SGSH: variants seen among roughly 807,000 people sequenced by gnomAD.
SGSH encodes heparan sulfate sulfatase.
Under a neutral mutation model 51.0 loss-of-function variants are expected in SGSH, and 48 were observed. The ratio of observed to expected loss-of-function variants is 0.94; its 90% CI spans 0.75 to 1.20. The LOEUF (loss-of-function observed/expected upper bound fraction) is 1.20, where lower values mean the gene tolerates loss of function less well. Among genes scored for constraint, SGSH ranks in the 50% most tolerant of loss-of-function variants. SGSH has a pLI of 0.00. For missense variants in SGSH, 662 were observed against 717.8 expected (o/e 0.92, Z 0.89); for synonymous variants, 321 against 313.4 (o/e 1.02, Z -0.26).
Position 80,217,288 on chromosome 17 carries a change from G to A in SGSH, c.89-96C>T, listed in dbSNP as rs56813748. 1.9e-4 allele frequency: 271 copies of A among 1,422,128 alleles called. 1 individual carries two copies. In the East Asian group the frequency reaches 5.8e-3, roughly 30 times the overall value. 88.1% of individuals were successfully genotyped at this position (1,422,128 alleles called of 1,614,324 possible). ...GGCTGGGACTGTGATGCCAGAAGGC[G>A]AGACACCCAGGTGGGCATGGTACTG... On this transcript the variant is annotated intron_variant, in intron 1 of 7. Coordinates refer to ENST00000326317, the MANE Select transcript of SGSH (RefSeq NM_000199.5).
chr17:80,212,278 T>C lies in SGSH; in HGVS notation c.746-4A>G, dbSNP rs7218267. The C allele has an allele frequency of 7.8e-3, 12,421 of 1,602,186 alleles. 865 individuals are homozygous for C. The African/African-American group carries it at 0.15, about 19-fold the overall frequency. ...TCCTGGAGCACCAGTCCAACTCCTG[T>C]GGTGAGGGGCCGAGAAGCAGAGCTC... On this transcript the variant is annotated splice_region_variant and splice_polypyrimidine_tract_variant and intron_variant, in intron 6 of 7. Transcript: ENST00000326317. This position sits in a 1 kb window ranked among gnomAD's most constrained non-coding sequence, Gnocchi z 5.9.
chr17:80,211,303 G>C, intron 7 of SGSH: 1 of 667,378 alleles, frequency 1.5e-6, no homozygotes, highest in Non-Finnish European at 2.3e-6. Flanking sequence ...CCCCTGTGGT[G>C]GGTGTGGCCA....
In SGSH at chr17:80,212,254, C is replaced by G; in HGVS notation, c.766G>C (p.Glu256Gln). The change falls in exon 7 of 8, where the codon GAG (glutamate) becomes CAG (glutamine). Residue 256 changes from glutamate (E) to glutamine (Q), a missense_variant. Coordinates refer to ENST00000326317, the MANE Select transcript of SGSH (RefSeq NM_000199.5). The surrounding 1 kb of genome is among the most constrained non-coding windows in gnomAD (Gnocchi z 5.9). Reference sequence around the variant, plus strand: ...TTCAGGACACCGGCGTCACGCAGCTCCTGGAGCACCAGTCCAACTCCTGTG... The same window carrying G: ...TTCAGGACACCGGCGTCACGCAGCTGCTGGAGCACCAGTCCAACTCCTGTG... The part of the protein sequence containing the change: ...MDQGVGLVLQ[E>Q]LRDAGVLNDT... 6.2e-7 allele frequency: 1 copy of G among 1,610,708 alleles called. No individual in the cohort carries two copies. The highest frequency in any genetic ancestry group is 8.5e-7 in the Non-Finnish European group (1 of 1,178,830).
chr17:80,209,944 A>G lies in SGSH; in HGVS notation c.*508T>C. On this transcript the variant is annotated 3_prime_UTR_variant, in exon 8 of 8. Transcript: ENST00000326317. ...TCTAGGCCAGACGCTGGTAAGAGCC[A>G]GGCGCCGTGCTCCCAGGTGAGTGTC... 1.0e-6 allele frequency: 1 copy of G among 1,000,726 alleles called. No individual in the cohort carries two copies. 62.0% of individuals were successfully genotyped at this position (1,000,726 alleles called of 1,614,324 possible).
At chr17:80,204,384 G>A (rs769052891), downstream of SGSH, 48 of 1,501,260 alleles carry the variant, frequency 3.2e-5, no homozygotes, top group South Asian at 5.6e-4. Flanking sequence ...GGCTCCAAGT[G>A]GGTGAGGGGC....
intron 1 of SGSH, among the ~76,000 whole-genome samples, chr17:80,217,991 G>C (rs890762591): frequency 6.6e-6 from 1 of 152,204 alleles, no homozygotes; most frequent in African/African-American, 2.4e-5. Context: ...AGGCATGTTA[G>C]CAGGCAGGCA....
At chr17:80,214,071 C>T in intron 5 of SGSH, 101 bp downstream of exon 5, 1 of 1,473,406 alleles carries the variant, frequency 6.8e-7, no homozygotes, top group Non-Finnish European at 9.3e-7. Context: ...GTCAGAGCCT[C>T]TTTCTTCATC....
In SGSH at chr17:80,217,007, C is replaced by A. The variant is rs200104349; in HGVS notation, c.249+25G>T. ...CAGCCTGTCTACTCCCTGCCCACCC[C>A]CTCCTCCCGCCCCTTGCACCTCACC... On this transcript the variant is annotated intron_variant, in intron 2 of 7. Coordinates refer to ENST00000326317, the MANE Select transcript of SGSH (RefSeq NM_000199.5). The A allele has an allele frequency of 6.3e-4, 968 of 1,531,536 alleles. 5 individuals are homozygous for A. In the African/African-American group the frequency reaches 0.012, roughly 19 times the overall value. 94.9% of individuals were successfully genotyped at this position (1,531,536 alleles called of 1,614,324 possible). A position where few individuals can be genotyped will look rare whatever the true frequency, so the allele number is the denominator to read the frequency against.
At chr17:80,211,701 C>A in intron 7 of SGSH, 1 of 361,564 alleles carries the variant, frequency 2.8e-6, no homozygotes, top group Non-Finnish European at 5.3e-6. Context: ...GTCAGACATG[C>A]AAATTCTTGA....
chr17:80,214,842 C>T, intron 3 of SGSH, 77 bp from the exon 4 acceptor site: 1 of 1,545,056 alleles, frequency 6.5e-7, no homozygotes, highest in African/African-American at 1.4e-5. Flanking sequence ...CCCCTCTCGG[C>T]CCTAAGCGCA....
chr17:80,203,550 G>C, downstream of SGSH: 1 of 427,056 alleles, frequency 2.3e-6, no homozygotes, highest in East Asian at 3.9e-5. The surrounding 1 kb of genome is among the most constrained non-coding windows in gnomAD (Gnocchi z 4.6). Context: ...TACGCTGGCT[G>C]CTCAACAGCA....
At position 80,220,226 on chromosome 17, in the gene SGSH, C is replaced by G. The variant is rs758793075; in HGVS notation, c.88G>C (p.Ala30Pro). 7.9e-6 allele frequency: 12 copies of G among 1,518,266 alleles called. No homozygotes were observed. In the South Asian group the frequency reaches 1.3e-4, roughly 17 times the overall value. 94.0% of individuals were successfully genotyped at this position (1,518,266 alleles called of 1,614,324 possible). The change falls in exon 1 of 8, where the codon GCG becomes CCG. Residue 30 changes from alanine to proline, a missense_variant and splice_region_variant. Ala to Pro is a conservative substitution (Grantham distance 27). Transcript: ENST00000326317. ...GTGGGGGGGCGGCGCCGGCACTCAC[C>G]GAGGAGCAGCAGTGCGTTCCGGGGA... Reference protein sequence around the residue: ...ARPRNALLLLADDGGFESGAY... With the variant: ...ARPRNALLLLPDDGGFESGAY...
intron 1 of SGSH, among the ~76,000 whole-genome samples, chr17:80,218,224 A>G (rs373793346): frequency 6.6e-5 from 10 of 152,356 alleles, no homozygotes; most frequent in East Asian, 1.9e-4. Context: ...CTAAAGCTCT[A>G]TGTGTGTGCG....
downstream of SGSH, chr17:80,202,729 C>CT (rs1416300461): frequency 1.0e-5 from 7 of 684,552 alleles, no homozygotes; most frequent in African/African-American, 1.1e-4. Flanking sequence ...GTCCTGGGCA[C>CT]TGCAGGATAT....
At position 80,212,493 on chromosome 17, in the gene SGSH, C is replaced by G. The variant is rs1456378504; in HGVS notation, c.746-219G>C. 3 of 602,428 alleles carry G rather than the reference C, an allele frequency of 5.0e-6. No individual in the cohort carries two copies. Among genetic ancestry groups the G allele is most frequent in the African/African-American group, 1.8e-5 (1 of 54,652 alleles). The allele number at this position is 602,428 out of a possible 1,614,324, so 37.3% of individuals were successfully genotyped here. ...CCCTGAGCAGGCCTCGAATGGGCCT[C>G]CAGGGACTCCAGCCATCCCTTGGCA... is the stretch of plus-strand genomic sequence containing the variant. On this transcript the variant is annotated intron_variant, in intron 6 of 7. Coordinates refer to ENST00000326317, the MANE Select transcript of SGSH (RefSeq NM_000199.5). The surrounding 1 kb of genome is among the most constrained non-coding windows in gnomAD (Gnocchi z 5.9).
intron 2 of SGSH, 32 bp downstream of exon 2, chr17:80,217,000 C>T (rs1239838976): frequency 6.6e-7 from 1 of 1,525,190 alleles, no homozygotes; most frequent in African/African-American, 1.4e-5. Context: ...CTACTCCCTG[C>T]CCACCCCCTC....
At chr17:80,208,198 G>C, downstream of SGSH, 1 of 1,554,250 alleles carries the variant, frequency 6.4e-7, no homozygotes, top group Non-Finnish European at 8.7e-7. Context: ...CGAGGCAGGA[G>C]GAGGGAGACC....
chr17:80,216,314 G>A (rs1289814857), intron 2 of SGSH, among the ~76,000 whole-genome samples: 1 of 152,008 alleles, frequency 6.6e-6, no homozygotes, highest in Non-Finnish European at 1.5e-5. Context: ...GGGTGACAGA[G>A]TGAGACTCCA....
In SGSH at chr17:80,212,343, G is replaced by A; in HGVS notation, c.746-69C>T. 5 of 1,334,680 alleles carry A rather than the reference G, an allele frequency of 3.7e-6. No individual in the cohort carries two copies. Among genetic ancestry groups the A allele is most frequent in the Non-Finnish European group, 4.2e-6 (4 of 950,660 alleles). The allele number at this position is 1,334,680 out of a possible 1,614,324, so 82.7% of individuals were successfully genotyped here. A position where few individuals can be genotyped will look rare whatever the true frequency, so the allele number is the denominator to read the frequency against. ...AGGGAGGCAGCGGGTGGTGTGTGTA[G>A]ACCCACCTGCTGCTGCATCCGGCCG... On this transcript the variant is annotated intron_variant, in intron 6 of 7. Transcript: ENST00000326317. This position sits in a 1 kb window ranked among gnomAD's most constrained non-coding sequence, Gnocchi z 5.9.
Sources: gnomAD v4.1 joint callset for allele counts (sites outside exome capture counted in the v4.1 genomes callset) on GRCh38, gnomAD v4.1.1 for gene constraint, Gnocchi (gnomAD v3.1) non-coding constraint, MANE v1.5 for transcripts, NCBI Gene and HGNC (gene_info 2026-07-23, HGNC 2026-07-21) for gene names.